Variants in DIP2C observed in about 807,000 individuals in gnomAD.
DIP2C encodes the protein DIP2 acetate--CoA ligase C (putative).
A neutral mutation model predicts 192.4 loss-of-function variants in DIP2C; 33 were observed. The ratio of observed to expected loss-of-function variants is 0.17; its 90% CI spans 0.13 to 0.23. DIP2C has a LOEUF of 0.23. DIP2C is among the 10% of genes least tolerant of loss of function. The probability of loss-of-function intolerance (pLI) is 1.00; values close to 1 mark genes in which losing one functional copy is unlikely to be tolerated. For synonymous variants in DIP2C, 979 were observed against 864.1 expected (o/e 1.13, Z -2.33); for missense variants, 1,537 against 2,110.1 (o/e 0.73, Z 5.32).
Position 277,263 on chromosome 10 carries a change from C to G in DIP2C, c.*62G>C. The G allele has an allele frequency of 6.3e-7, 1 of 1,587,892 alleles. No homozygotes were observed. Among genetic ancestry groups the G allele is most frequent in the East Asian group, 2.2e-5 (1 of 44,728 alleles). On this transcript the variant is annotated 3_prime_UTR_variant, in exon 37 of 37. Transcript: ENST00000280886. ...AGTGTTGCCCTGTGTCTGCACGCTT[C>G]AGTGGACACGGAGAACAATGTCTAC...
chr10:659,038 TTCA>T (rs1306864921), intron 1 of DIP2C, among the ~76,000 whole-genome samples: 6 of 151,900 alleles, frequency 3.9e-5, no homozygotes, highest in East Asian at 1.9e-4. Context: ...CATAATCACA[TTCA>T]TAATACCAAC....
At chr10:413,866 C>G in intron 8 of DIP2C, 47 bp downstream of exon 8, 1 of 1,588,564 alleles carries the variant, frequency 6.3e-7, no homozygotes, top group East Asian at 2.3e-5. Flanking sequence ...TCGGGAGTGG[C>G]TGTGCGAGGG....
At position 530,173 on chromosome 10, in the gene DIP2C, C is replaced by T. The variant is rs190270570; in HGVS notation, c.86-43643G>A. ...TATTCCACAGGGCGACTTTGCTTCC[C>T]GTGAGGAGATGCAGCACGTGAGCAC... On this transcript the variant is annotated intron_variant, in intron 1 of 36. Coordinates refer to ENST00000280886, the MANE Select transcript of DIP2C (RefSeq NM_014974.3). 3.0e-4 allele frequency among the ~76,000 whole-genome samples: 46 copies of T among 152,322 alleles called. 2 individuals are homozygous for T. In the East Asian group the frequency reaches 6.4e-3, roughly 21 times the overall value.
chr10:348,554 G>T (rs916328717), intron 26 of DIP2C, 87 bp downstream of exon 26: 4 of 1,547,254 alleles, frequency 2.6e-6, no homozygotes, highest in African/African-American at 2.8e-5. Flanking sequence ...GCCAGCAGCT[G>T]CCCCAAGAGA....
rs1554897779 is a variant in DIP2C, at chr10:548,209, C to CCCCA, written c.86-61680_86-61679insTGGG. Among the ~76,000 whole-genome samples the CCCCA allele has an allele frequency of 5.7e-5, 2 of 34,902 alleles. 1 individual carries two copies. The highest frequency in any genetic ancestry group is 1.2e-4 in the Non-Finnish European group (2 of 16,838). 22.9% of individuals were successfully genotyped at this position (34,902 alleles called of 152,430 possible). ...GTCCAATTCACACGAGTCTGCCCCACCCCCCCCCCCACAGGAAAGCCCTGG... is the reference window on the plus strand; with the variant it reads ...GTCCAATTCACACGAGTCTGCCCCACCCCACCCCCCCCCCACAGGAAAGCCCTGG... On this transcript the variant is annotated intron_variant, in intron 1 of 36. Transcript: ENST00000280886.
At chr10:688,435 C>T (rs1373410855) in intron 1 of DIP2C, among the ~76,000 whole-genome samples, 1 of 152,210 alleles carries the variant, frequency 6.6e-6, no homozygotes, top group Non-Finnish European at 1.5e-5. Flanking sequence ...AACACCAGCT[C>T]CTCCCTGCCG....
At chr10:296,482 A>C (rs933694064) in intron 32 of DIP2C, among the ~76,000 whole-genome samples, 2 of 152,196 alleles carry the variant, frequency 1.3e-5, no homozygotes, top group Non-Finnish European at 2.9e-5. Flanking sequence ...CATTGTGGCA[A>C]TTCCTCAAGG....
intron 2 of DIP2C, among the ~76,000 whole-genome samples, chr10:477,794 G>GGAAGGAAGGAAAGA (rs1446491019): frequency 2.2e-5 from 3 of 135,080 alleles, no homozygotes; most frequent in African/African-American, 8.7e-5. Context: ...GAGAAAGAAG[G>GGAAGGAAGGAAAGA]GAAGGAAGGA....
chr10:371,559 T>C (rs527871123), intron 17 of DIP2C, among the ~76,000 whole-genome samples: 131 of 152,334 alleles, frequency 8.6e-4, no homozygotes, highest in Admixed American at 1.9e-3. Flanking sequence ...AGGCAGAGAC[T>C]GGAGTGACAG....
chr10:441,024 G>T, intron 3 of DIP2C, 28 bp from the exon 4 acceptor site: 1 of 1,601,936 alleles, frequency 6.2e-7, no homozygotes. Flanking sequence ...CAGTCACTCA[G>T]TGCTCAGCTG....
At position 684,585 on chromosome 10, in the gene DIP2C, C is replaced by T. The variant is rs1831244476; in HGVS notation, c.85+4909G>A. Among the ~76,000 whole-genome samples, 5 of 152,314 alleles carry T rather than the reference C, an allele frequency of 3.3e-5. No individual in the cohort carries two copies. In the South Asian group the frequency reaches 8.3e-4, roughly 25 times the overall value. On this transcript the variant is annotated intron_variant, in intron 1 of 36. Transcript: ENST00000280886. The stretch of plus-strand genomic sequence containing the variant: ...GGTGGTCCCCTGGTCAGCTCTTACA[C>T]AGGCGTGTGACTTCCTCACTGTGCA...
intron 1 of DIP2C, among the ~76,000 whole-genome samples, chr10:587,162 T>TG (rs1851105052): frequency 7.6e-6 from 1 of 131,818 alleles, no homozygotes; most frequent in African/African-American, 2.9e-5. Flanking sequence ...CCCGGGTCCC[T>TG]GCTGACAGTG....
intron 1 of DIP2C, chr10:664,665 T>C (rs886450056): frequency 6.6e-6 from 1 of 152,242 alleles, no homozygotes. Context: ...TTAAAATTTA[T>C]GTATCTCAAT....
rs150985995 is a variant in DIP2C, at chr10:354,521, CTT to C, written c.2985+1903_2985+1904del. 5.8e-3 allele frequency among the ~76,000 whole-genome samples: 881 copies of C among 152,282 alleles called. 9 individuals carry two copies. The highest frequency in any genetic ancestry group is 0.02 in the African/African-American group (816 of 41,566). The stretch of plus-strand genomic sequence containing the variant: ...GAACGTACCCAAATCATGTCTGAAT[CTT>C]TGCGTATATGGGGGTCTGCTACTTC... On this transcript the variant is annotated intron_variant, in intron 24 of 36. Transcript: ENST00000280886.
intron 1 of DIP2C, among the ~76,000 whole-genome samples, chr10:529,106 G>A (rs1847229655): frequency 6.6e-6 from 1 of 152,142 alleles, no homozygotes; most frequent in Admixed American, 6.5e-5. Context: ...CAGGAGTGGG[G>A]CAGATCCGTT....
intron 1 of DIP2C, among the ~76,000 whole-genome samples, chr10:487,567 G>GTTTTTTTTTTTTTTT (rs71376836): frequency 1.8e-5 from 1 of 54,164 alleles, no homozygotes; most frequent in African/African-American, 8.0e-5. Flanking sequence ...ATCAATGAGT[G>GTTTTTTTTTTTTTTT]TTTTTTTTTT....
intron 1 of DIP2C, among the ~76,000 whole-genome samples, chr10:581,504 T>TA (rs1214158762): frequency 1.3e-5 from 2 of 152,228 alleles, no homozygotes; most frequent in South Asian, 2.1e-4. Context: ...TTGCAATACT[T>TA]AAAAGCCTCT....
At chr10:641,709 G>A (rs1456500686) in intron 1 of DIP2C, 1 of 154,184 alleles carries the variant, frequency 6.5e-6, no homozygotes, top group East Asian at 1.9e-4. Flanking sequence ...GCTCCAACAA[G>A]GAAAGACAGG....
rs148188984 is a variant in DIP2C at position 601,781 on chromosome 10, G to A, written c.85+87713C>T. On this transcript the variant is annotated intron_variant, in intron 1 of 36. Coordinates refer to ENST00000280886, the MANE Select transcript of DIP2C (RefSeq NM_014974.3). ...CACAGGGAAGGGGGAACAAGGCCAG[G>A]AGGAAGCGGCTGGGGACGCAGGCGA... Among the ~76,000 whole-genome samples, 606 of 152,360 alleles carry A rather than the reference G, an allele frequency of 4.0e-3. 2 individuals carry two copies. The highest frequency in any genetic ancestry group is 6.9e-3 in the Non-Finnish European group (468 of 68,044).
Sources: gnomAD v4.1 joint callset for allele counts (sites outside exome capture counted in the v4.1 genomes callset) on GRCh38, gnomAD v4.1.1 for gene constraint, MANE v1.5 for transcripts, NCBI Gene and HGNC (gene_info 2026-07-23, HGNC 2026-07-21) for gene names.